SIN3A: variants seen among roughly 807,000 people sequenced by gnomAD.
SIN3A encodes the protein SIN3 transcription regulator family member A.
In SIN3A, 14 loss-of-function variants were observed where a neutral mutation model predicts 146.1. The ratio of observed to expected loss-of-function variants is 0.10; its 90% CI spans 0.06 to 0.15. The LOEUF is 0.15. SIN3A is among the 10% of genes least tolerant of loss of function. SIN3A has a pLI of 1.00. For synonymous variants in SIN3A, 572 were observed against 572.0 expected, an observed-to-expected ratio of 1.00 and a Z score of 0.00; for missense variants, 1,028 against 1,576.0, an observed-to-expected ratio of 0.65 and a Z score of 5.89.
In SIN3A at chr15:75,422,707, A is replaced by G; in HGVS notation, c.306T>C (p.His102=). 2 of 1,614,206 alleles carry G rather than the reference A, an allele frequency of 1.2e-6. No individual in the cohort carries two copies. The highest frequency in any genetic ancestry group is 1.7e-6 in the Non-Finnish European group (2 of 1,180,040). ...GTGCAACTGGTGGGGCTGGATGAGC[A>G]TGACTCTGGACCACCTGGCCTCCGT... The part of the protein sequence containing the change: ...QPHGGQVVQS[H]AHPAPPVAPV... Residue 102 remains histidine, a synonymous_variant, in exon 3 of 21, where the codon CAT becomes CAC. Transcript: ENST00000394947.
chr15:75,379,665 A>G (rs2141380041), intron 19 of SIN3A, among the ~76,000 whole-genome samples: 1 of 152,350 alleles, frequency 6.6e-6, no homozygotes, highest in African/African-American at 2.4e-5. Flanking sequence ...TGTTCTCATT[A>G]GGACTCAATA....
At chr15:75,392,895 T>C (rs1341950220) in intron 14 of SIN3A, 80 bp from the exon 15 acceptor site, 10 of 1,041,916 alleles carry the variant, frequency 9.6e-6, no homozygotes, top group African/African-American at 1.6e-5. Context: ...CAGCCATACA[T>C]CCCATTATCA....
Position 75,404,770 on chromosome 15 carries a change from A to T in SIN3A, c.1407+2285T>A, listed in dbSNP as rs952082965. On this transcript the variant is annotated intron_variant, in intron 9 of 20. Coordinates refer to ENST00000394947, the MANE Select transcript of SIN3A (RefSeq NM_001145358.2). The stretch of plus-strand genomic sequence containing the variant: ...GTGAGACTGTCCCAGAAAAAAAATA[A>T]AAAAAAAACAAAAAAACAAAAACAA... Among the ~76,000 whole-genome samples, 24 of 29,040 alleles carry T rather than the reference A, an allele frequency of 8.3e-4. No individual in the cohort carries two copies. The African/African-American group carries it at 9.5e-3, about 12-fold the overall frequency. 19.1% of individuals were successfully genotyped at this position (29,040 alleles called of 152,430 possible).
intron 6 of SIN3A, among the ~76,000 whole-genome samples, 166 bp downstream of exon 6, chr15:75,411,326 T>C (rs1346969773): frequency 6.6e-6 from 1 of 152,080 alleles, no homozygotes; most frequent in East Asian, 1.9e-4. Flanking sequence ...AGACTCCGTC[T>C]CGAAAAACAA....
At chr15:75,409,248 A>C (rs1226960017) in intron 8 of SIN3A, among the ~76,000 whole-genome samples, 1 of 152,132 alleles carries the variant, frequency 6.6e-6, no homozygotes, top group Non-Finnish European at 1.5e-5. Context: ...GGAAATTCTT[A>C]GTAGCAACCA....
Position 75,422,575 on chromosome 15 carries a change from AC to A in SIN3A, c.366+71del, listed in dbSNP as rs2073857736. ...TCAGGTTAGAAGTTGTACCACCACA[AC>A]CAACAAGCTGCAACCAGTATTTCCT... is the stretch of plus-strand genomic sequence containing the variant. On this transcript the variant is annotated intron_variant, in intron 3 of 20. Coordinates refer to ENST00000394947, the MANE Select transcript of SIN3A (RefSeq NM_001145358.2). 3 of 1,531,722 alleles carry A rather than the reference AC, an allele frequency of 2.0e-6. No individual in the cohort carries two copies. In the African/African-American group the frequency reaches 4.1e-5, roughly 21 times the overall value. The allele number at this position is 1,531,722 out of a possible 1,614,324, so 94.9% of individuals were successfully genotyped here.
At chr15:75,395,691 G>C (rs2073288801) in intron 13 of SIN3A, among the ~76,000 whole-genome samples, 1 of 152,038 alleles carries the variant, frequency 6.6e-6, no homozygotes, top group Admixed American at 6.5e-5. Flanking sequence ...TTGAGCCCAG[G>C]AGTTAGAGGC....
chr15:75,446,963 G>GA (rs2074319031), intron 1 of SIN3A, among the ~76,000 whole-genome samples: 1 of 151,830 alleles, frequency 6.6e-6, no homozygotes, highest in Admixed American at 6.6e-5. Context: ...TTTTTTAGTG[G>GA]AGACCATGTT....
At position 75,381,602 on chromosome 15, in the gene SIN3A, C is replaced by G; in HGVS notation, c.3288+11G>C. 1.9e-6 allele frequency: 3 copies of G among 1,607,274 alleles called. No individual in the cohort carries two copies. Among genetic ancestry groups the G allele is most frequent in the Non-Finnish European group, 2.6e-6 (3 of 1,174,618 alleles). On this transcript the variant is annotated intron_variant, in intron 18 of 20. Coordinates refer to ENST00000394947, the MANE Select transcript of SIN3A (RefSeq NM_001145358.2). The stretch of plus-strand genomic sequence containing the variant: ...CTTGGCACCTGGGGTCTGTGATGTA[C>G]TTGCTCATACCTCTGCTTCCACAGG...
In SIN3A at chr15:75,400,769, C is replaced by T. The variant is rs1213242381; in HGVS notation, c.1698G>A (p.Gln566=). Residue 566 remains glutamine, a synonymous_variant, in exon 11 of 21, where the codon CAG becomes CAA. Coordinates refer to ENST00000394947, the MANE Select transcript of SIN3A (RefSeq NM_001145358.2). ...GAGTCCGTCCTGTACACTTGGGCTG[C>T]TGGTAACTCTTTGGTAAGGCTCGAT... ...SSYRALPKSY[Q]QPKCTGRTPL... is the part of the protein sequence containing the mutation. 1 of 1,614,052 alleles carries T rather than the reference C, an allele frequency of 6.2e-7. No individual in the cohort carries two copies. Among genetic ancestry groups the T allele is most frequent in the Middle Eastern group, 1.7e-4 (1 of 6,020 alleles).
chr15:75,401,531 T>C (rs577298168), intron 10 of SIN3A, among the ~76,000 whole-genome samples: 4 of 151,608 alleles, frequency 2.6e-5, no homozygotes, highest in African/African-American at 7.3e-5. Flanking sequence ...TGAGACTTCA[T>C]CTCAAAAAAA....
At position 75,392,776 on chromosome 15, in the gene SIN3A, C is replaced by A. The variant is rs1268155139; in HGVS notation, c.2317G>T (p.Val773Phe). The A allele has an allele frequency of 1.9e-6, 3 of 1,613,552 alleles. No homozygotes were observed. Among genetic ancestry groups the A allele is most frequent in the Non-Finnish European group, 2.5e-6 (3 of 1,179,854 alleles). ...QATEENAGVP[V>F]GPHLSLAYED... ...TACGCAAGTGAGAGGTGTGGGCCAA[C>A]AGGTACACCAGCATTCTCCTCCGTA... The change falls in exon 15 of 21, where the codon GTT (valine) becomes TTT (phenylalanine). Residue 773 changes from valine (V) to phenylalanine (F), a missense_variant. This residue lies in a region of SIN3A where 488 missense variants were observed against 690.2 expected (regional missense o/e 0.71). Transcript: ENST00000394947.
intron 1 of SIN3A, among the ~76,000 whole-genome samples, chr15:75,445,380 C>CAA (rs10539996): frequency 0.025 from 1,593 of 63,496 alleles, 34 homozygotes; most frequent in African/African-American, 0.059. Flanking sequence ...GACACTGTCT[C>CAA]AAAAAAAAAA....
rs1358231982 is a variant in SIN3A, at chr15:75,370,365, G to C, written c.*1614C>G. The C allele has an allele frequency of 1.3e-5, 2 of 152,134 alleles. No individual in the cohort carries two copies. The highest frequency in any genetic ancestry group is 1.5e-5 in the Non-Finnish European group (1 of 68,030). 9.4% of individuals were successfully genotyped at this position (152,134 alleles called of 1,614,324 possible). A position where few individuals can be genotyped will look rare whatever the true frequency, so the allele number is the denominator to read the frequency against. ...CTAAAAAGCAAACATAAAACACACA[G>C]AACATTGCTGGTTACAACTAAGACT... is the stretch of plus-strand genomic sequence containing the variant. On this transcript the variant is annotated 3_prime_UTR_variant, in exon 21 of 21. Coordinates refer to ENST00000394947, the MANE Select transcript of SIN3A (RefSeq NM_001145358.2).
At chr15:75,442,686 T>C (rs2074237955) in intron 1 of SIN3A, among the ~76,000 whole-genome samples, 1 of 150,572 alleles carries the variant, frequency 6.6e-6, no homozygotes, top group Non-Finnish European at 1.5e-5. Context: ...TCCCAGCACT[T>C]TGGGAGGCCA....
At chr15:75,385,421 C>A (rs1172557568) in intron 16 of SIN3A, among the ~76,000 whole-genome samples, 4 of 152,244 alleles carry the variant, frequency 2.6e-5, no homozygotes, top group Non-Finnish European at 4.4e-5. Context: ...ACTCACTTTC[C>A]ATACAGGCCA....
At chr15:75,420,707 A>G (rs1159305848) in intron 3 of SIN3A, 1 of 152,240 alleles carries the variant, frequency 6.6e-6, no homozygotes, top group African/African-American at 2.4e-5. Context: ...TAGAATATAA[A>G]TGATTTATTG....
upstream of SIN3A, among the ~76,000 whole-genome samples, chr15:75,454,328 A>C (rs1345814005): frequency 6.6e-6 from 1 of 152,108 alleles, no homozygotes; most frequent in East Asian, 1.9e-4. Flanking sequence ...GGTGGGTGGG[A>C]GAGAGGAAAG....
chr15:75,425,007 T>C lies in SIN3A; in HGVS notation c.190-2184A>G, dbSNP rs554829644. Among the ~76,000 whole-genome samples the C allele has an allele frequency of 3.4e-4, 52 of 152,234 alleles. 1 individual carries two copies. In the South Asian group the frequency reaches 0.011, roughly 31 times the overall value. On this transcript the variant is annotated intron_variant, in intron 2 of 20. Coordinates refer to ENST00000394947, the MANE Select transcript of SIN3A (RefSeq NM_001145358.2). ...GTACTGTATATAAACTTTTAAATAG[T>C]TTTTTAAAGCACATTACACTGGCTG...
Sources: gnomAD v4.1 joint callset for allele counts (sites outside exome capture counted in the v4.1 genomes callset) on GRCh38, gnomAD v4.1.1 for gene constraint, gnomAD v4.1.1 regional missense constraint, MANE v1.5 for transcripts, NCBI Gene and HGNC (gene_info 2026-07-23, HGNC 2026-07-21) for gene names.